The following ELN variants were observed in gnomAD, a reference collection of about 807,000 sequenced individuals.
The protein encoded by ELN is elastin.
ELN carries 65 observed loss-of-function variants against 105.8 expected under a neutral mutation model. The ratio of observed to expected loss-of-function variants is 0.61; its 90% CI spans 0.50 to 0.75. The LOEUF is 0.75. ELN is among the 30% of genes least tolerant of loss of function. ELN has a pLI of 0.00. For synonymous variants in ELN, 368 were observed against 389.2 expected (o/e 0.95, Z 0.64); for missense variants, 882 against 969.4 (o/e 0.91, Z 1.20).
chr7:74,035,232 C>A, intron 1 of ELN, 132 bp from the exon 2 acceptor site: 2 of 838,028 alleles, frequency 2.4e-6, no homozygotes, highest in South Asian at 1.4e-5. Flanking sequence ...TCATTATTGC[C>A]ATCAGCATTA....
At chr7:74,033,093 T>C (rs1198854845) in intron 1 of ELN, among the ~76,000 whole-genome samples, 2 of 152,226 alleles carry the variant, frequency 1.3e-5, no homozygotes, top group African/African-American at 4.8e-5. Flanking sequence ...CCTTGCAACC[T>C]TGCAACAACC....
At chr7:74,036,410 A>T in intron 2 of ELN, 145 bp from the exon 3 acceptor site, 4 of 1,037,886 alleles carry the variant, frequency 3.9e-6, no homozygotes, top group Non-Finnish European at 5.8e-6. Context: ...GCCAAGCAGA[A>T]GAGAAAACCG....
At chr7:74,056,203 C>T (rs1554679469) in intron 19 of ELN, 68 bp from the exon 20 acceptor site, 4 of 1,596,160 alleles carry the variant, frequency 2.5e-6, no homozygotes, top group Non-Finnish European at 2.6e-6. Flanking sequence ...AATCCATCAG[C>T]ATCCCTCAGA....
At chr7:74,040,527 G>A (rs1554667899) in intron 4 of ELN, among the ~76,000 whole-genome samples, 1 of 152,216 alleles carries the variant, frequency 6.6e-6, no homozygotes, top group African/African-American at 2.4e-5. Context: ...CCCTGGAGAG[G>A]ACTCACCCCT....
At chr7:74,035,687 T>C (rs1789765120) in intron 2 of ELN, 1 of 528,418 alleles carries the variant, frequency 1.9e-6, no homozygotes, top group South Asian at 2.0e-5. Flanking sequence ...CTGGACAACA[T>C]AGTGAGATCC....
intron 31 of ELN, 120 bp from the exon 32 acceptor site, chr7:74,066,612 G>T (rs1428368319): frequency 3.7e-6 from 3 of 804,894 alleles, no homozygotes; most frequent in Non-Finnish European, 6.4e-6. Flanking sequence ...TATAGTGGGG[G>T]GGATGGAGAG....
chr7:74,034,745 C>A (rs1157295663), intron 1 of ELN, among the ~76,000 whole-genome samples: 1 of 151,808 alleles, frequency 6.6e-6, no homozygotes, highest in East Asian at 2.0e-4. Context: ...CAGGCCCCGT[C>A]TCTTTCCAGC....
chr7:74,049,788 CCATCCATTCCTCCATG>C (rs1361744053), intron 15 of ELN, among the ~76,000 whole-genome samples: 29 of 150,462 alleles, frequency 1.9e-4, no homozygotes, highest in African/African-American at 6.1e-4. Flanking sequence ...GTCCACTCAT[CCATCCATTCCTCCATG>C]CATCCATTCC....
intron 32 of ELN, among the ~76,000 whole-genome samples, 172 bp from the exon 33 acceptor site, chr7:74,068,485 T>A (rs1411566956): frequency 1.3e-5 from 2 of 152,202 alleles, no homozygotes; most frequent in African/African-American, 4.8e-5. Context: ...TCCCGCCCCA[T>A]CTGTCCAGTG....
At chr7:74,061,484 T>G (rs1419392856) in intron 26 of ELN, among the ~76,000 whole-genome samples, 4 of 151,932 alleles carry the variant, frequency 2.6e-5, no homozygotes, top group Admixed American at 6.6e-5. Flanking sequence ...AAACCCCATC[T>G]CTACTAAAAA....
Position 74,041,255 on chromosome 7 carries a change from A to T in ELN, c.232+4A>T, listed in dbSNP as rs960162248. The T allele has an allele frequency of 6.2e-7, 1 of 1,613,908 alleles. No homozygotes were observed. The highest frequency in any genetic ancestry group is 1.3e-5 in the African/African-American group (1 of 75,026). Reference sequence around the variant, plus strand: ...GCGGGTGCTGGCCTTGGGGCAGGTGAGTGCTGACACCCAAGAAAGATATCC... The same window carrying T: ...GCGGGTGCTGGCCTTGGGGCAGGTGTGTGCTGACACCCAAGAAAGATATCC... On this transcript the variant is annotated splice_donor_region_variant and intron_variant, in intron 5 of 32. Coordinates refer to ENST00000252034, the MANE Select transcript of ELN (RefSeq NM_000501.4).
chr7:74,063,405 C>T lies in ELN; in HGVS notation c.1918+36C>T. On this transcript the variant is annotated intron_variant, in intron 28 of 32. Coordinates refer to ENST00000252034, the MANE Select transcript of ELN (RefSeq NM_000501.4). This position sits in a 1 kb window ranked among gnomAD's most constrained non-coding sequence, Gnocchi z 4.1. ...GGTGGAGGTGGGAGCTGCCGCCAGG[C>T]CCCCAGGCCCCCAGGGTGTGGGAGG... The T allele has an allele frequency of 6.5e-7, 1 of 1,543,748 alleles. No individual in the cohort carries two copies. Among genetic ancestry groups the T allele is most frequent in the South Asian group, 1.2e-5 (1 of 84,338 alleles).
At chr7:74,036,376 A>G (rs1789953280) in intron 2 of ELN, among the ~76,000 whole-genome samples, 179 bp from the exon 3 acceptor site, 1 of 152,088 alleles carries the variant, frequency 6.6e-6, no homozygotes, top group African/African-American at 2.4e-5. Context: ...ACTCCCCCAG[A>G]TACATACTGA....
chr7:74,028,619 G>A (rs1787966596), intron 1 of ELN, among the ~76,000 whole-genome samples: 1 of 152,170 alleles, frequency 6.6e-6, no homozygotes, highest in South Asian at 2.1e-4. Flanking sequence ...TGGGTCTGGA[G>A]ACACCACAGT....
intron 13 of ELN, 99 bp from the exon 14 acceptor site, chr7:74,048,043 A>T: frequency 6.9e-7 from 1 of 1,451,858 alleles, no homozygotes; most frequent in Non-Finnish European, 9.7e-7. Flanking sequence ...ACAGGTGCAG[A>T]CTCAGGACAG....
chr7:74,034,503 T>C (rs1354695813), intron 1 of ELN, among the ~76,000 whole-genome samples: 1 of 151,496 alleles, frequency 6.6e-6, no homozygotes, highest in Non-Finnish European at 1.5e-5. Context: ...CTTCCAGGAG[T>C]TCCAGACCAG....
Position 74,066,795 on chromosome 7 carries a change from C to T in ELN, c.2131+19C>T, listed in dbSNP as rs899215558. On this transcript the variant is annotated intron_variant, in intron 32 of 32. Coordinates refer to ENST00000252034, the MANE Select transcript of ELN (RefSeq NM_000501.4). ...TTCCCAGGTATGCCAGGCTCCCTGCCCCTGGGCCCTGCCCTGGAGCTGCAG... is the reference window on the plus strand; with the variant it reads ...TTCCCAGGTATGCCAGGCTCCCTGCTCCTGGGCCCTGCCCTGGAGCTGCAG... 1.1e-5 allele frequency: 18 copies of T among 1,612,608 alleles called. No homozygotes were observed. Among genetic ancestry groups the T allele is most frequent in the East Asian group, 4.5e-5 (2 of 44,828 alleles).
chr7:74,052,407 A>AC (rs1438285906), intron 17 of ELN: 2 of 227,358 alleles, frequency 8.8e-6, no homozygotes, highest in African/African-American at 4.5e-5. Context: ...ACATACTGAG[A>AC]CCCCATCTTT....
intron 32 of ELN, among the ~76,000 whole-genome samples, chr7:74,067,562 G>A (rs1174820275): frequency 1.3e-5 from 2 of 151,678 alleles, no homozygotes; most frequent in Non-Finnish European, 2.9e-5. Context: ...CACCACGTCC[G>A]GCCGTCTCTA....
Sources: gnomAD v4.1 joint callset for allele counts (sites outside exome capture counted in the v4.1 genomes callset) on GRCh38, gnomAD v4.1.1 for gene constraint, Gnocchi (gnomAD v3.1) non-coding constraint, MANE v1.5 for transcripts, NCBI Gene and HGNC (gene_info 2026-07-23, HGNC 2026-07-21) for gene names.